The following PPP1R3F variants were observed in gnomAD, a reference collection of about 807,000 sequenced individuals.
PPP1R3F encodes protein phosphatase 1 regulatory subunit 3F.
In PPP1R3F, 29 loss-of-function variants were observed where a neutral mutation model predicts 24.2. The ratio of observed to expected loss-of-function variants is 1.20; its 90% CI spans 0.89 to 1.63. The LOEUF (loss-of-function observed/expected upper bound fraction) is 1.63, where lower values mean the gene tolerates loss of function less well. Among genes scored for constraint, PPP1R3F ranks in the 40% most tolerant of loss-of-function variants. The probability of loss-of-function intolerance (pLI) is 0.00; values close to 1 mark genes in which losing one functional copy is unlikely to be tolerated. For missense variants in PPP1R3F, 823 were observed against 729.3 expected, an observed-to-expected ratio of 1.13 and a Z score of -1.48; for synonymous variants, 363 against 340.1, an observed-to-expected ratio of 1.07 and a Z score of -0.74.
In PPP1R3F at chrX:49,286,667, A is replaced by G; in HGVS notation, c.1977A>G (p.Ile659Met). 1.7e-6 allele frequency: 2 copies of G among 1,210,158 alleles called. No individual in the cohort carries two copies. Among genetic ancestry groups the G allele is most frequent in the Non-Finnish European group, 2.2e-6 (2 of 894,612 alleles). ...DTSSLHMNRV[I>M]AGVTESLGEA... Reference sequence around the variant, plus strand: ...GCTCTTTGCACATGAATAGGGTGATAGCTGGGGTGACTGAGTCCCTGGGGG... The same window carrying G: ...GCTCTTTGCACATGAATAGGGTGATGGCTGGGGTGACTGAGTCCCTGGGGG... The change falls in exon 4 of 4, where the codon ATA becomes ATG. Residue 659 changes from isoleucine (I) to methionine (M), a missense_variant. Physicochemically the swap from Ile to Met is conservative, Grantham distance 10. Coordinates refer to ENST00000055335, the MANE Select transcript of PPP1R3F (RefSeq NM_033215.5).
chrX:49,271,714 C>G (rs1471539572), intron 1 of PPP1R3F, among the ~76,000 whole-genome samples: 2 of 113,220 alleles, frequency 1.8e-5, no homozygotes, highest in Non-Finnish European at 3.7e-5. Flanking sequence ...ACGCTGTAAT[C>G]TACTTTTGAG....
At chrX:49,272,485 C>A (rs1205702831) in intron 1 of PPP1R3F, among the ~76,000 whole-genome samples, 2 of 112,293 alleles carry the variant, frequency 1.8e-5, no homozygotes, top group Non-Finnish European at 3.8e-5. Flanking sequence ...TGCTCAGAAC[C>A]GAGTCTGGCT....
chrX:49,270,551 C>T lies in PPP1R3F; in HGVS notation c.682C>T (p.Gln228Ter). 8.3e-7 allele frequency: 1 copy of T among 1,204,115 alleles called. No individual in the cohort carries two copies. The highest frequency in any genetic ancestry group is 1.1e-6 in the Non-Finnish European group (1 of 894,177). Reference sequence around the variant, plus strand: ...TCCGGGGCTCGGCCTGGGTCCCGGCCAGGCATCCGCCTCCTCGCCCGACGA... The same window carrying T: ...TCCGGGGCTCGGCCTGGGTCCCGGCTAGGCATCCGCCTCCTCGCCCGACGA... ...LDPGLGLGPGQASASSPDDGG... is the reference protein window; with the variant it reads ...LDPGLGLGPG The change falls in exon 1 of 4, where the codon CAG becomes TAG. Residue 228 changes from glutamine to a stop codon, truncating the protein, a stop_gained. Transcript: ENST00000055335. LOFTEE classifies it high-confidence loss of function.
intron 1 of PPP1R3F, among the ~76,000 whole-genome samples, chrX:49,277,255 G>A (rs1446710235): frequency 8.9e-6 from 1 of 112,575 alleles, no homozygotes; most frequent in Non-Finnish European, 1.9e-5. Context: ...TGGTCTCCTC[G>A]GGGCCTATCA....
At chrX:49,282,352 G>A (rs1372873247) in intron 3 of PPP1R3F, among the ~76,000 whole-genome samples, 6 of 111,368 alleles carry the variant, frequency 5.4e-5, no homozygotes, top group Non-Finnish European at 1.1e-4. Context: ...TTAGTAGGGT[G>A]AGACATGATA....
At position 49,270,478 on chromosome X, in the gene PPP1R3F, G is replaced by A. The variant is rs201191607; in HGVS notation, c.609G>A (p.Pro203=). The change falls in exon 1 of 4, where the codon CCG becomes CCA. Residue 203 remains proline (P), a synonymous_variant. Transcript: ENST00000055335. The part of the protein sequence containing the change: ...DHPARYVPRS[P]PWAGAGGTGA... ...CAGCGCGCTACGTCCCGCGCAGCCC[G>A]CCGTGGGCAGGAGCGGGAGGAACAG... is the stretch of plus-strand genomic sequence containing the variant. 8 of 1,204,226 alleles carry A rather than the reference G, an allele frequency of 6.6e-6. No homozygotes were observed. The highest frequency in any genetic ancestry group is 4.7e-4 in the Middle Eastern group (2 of 4,265).
intron 1 of PPP1R3F, 45 bp downstream of exon 1, chrX:49,270,918 G>T: frequency 8.9e-7 from 1 of 1,119,385 alleles, no homozygotes; most frequent in Admixed American, 2.8e-5. Flanking sequence ...GGCTGTGTCT[G>T]GGATGGAGGA....
intron 1 of PPP1R3F, among the ~76,000 whole-genome samples, chrX:49,280,374 A>G (rs781918982): frequency 1.8e-5 from 2 of 110,261 alleles, no homozygotes; most frequent in Non-Finnish European, 3.8e-5. Context: ...TCAGCCTCCC[A>G]GGTAGTTGGG....
intron 1 of PPP1R3F, among the ~76,000 whole-genome samples, chrX:49,271,758 C>T (rs188287608): frequency 8.8e-6 from 1 of 113,208 alleles, no homozygotes; most frequent in East Asian, 2.8e-4. Flanking sequence ...CCCATGCTCT[C>T]ACAAGAAAGC....
At position 49,270,628 on chromosome X, in the gene PPP1R3F, G is replaced by A. The variant is rs1430112558; in HGVS notation, c.759G>A (p.Ala253=). The A allele has an allele frequency of 5.8e-6, 7 of 1,206,666 alleles. No homozygotes were observed. The East Asian group carries it at 8.9e-5, about 15-fold the overall frequency. Residue 253 remains alanine (A), a synonymous_variant, in exon 1 of 4, where the codon GCG becomes GCA. Transcript: ENST00000055335. Reference sequence around the variant, plus strand: ...TCCAGCTGCCCTTTGCTGAGGGCGCGGGCGATGGGGCGCGCCTCGACTTCG... The same window carrying A: ...TCCAGCTGCCCTTTGCTGAGGGCGCAGGCGATGGGGCGCGCCTCGACTTCG... ...FAFQLPFAEG[A]GDGARLDFVV...
intron 3 of PPP1R3F, among the ~76,000 whole-genome samples, chrX:49,282,555 T>A (rs2066256050): frequency 9.6e-6 from 1 of 104,107 alleles, no homozygotes; most frequent in South Asian, 4.5e-4. Context: ...TAGTGATTAG[T>A]GAGATCTGAG....
At position 49,269,840 on chromosome X, in the gene PPP1R3F, G is replaced by A. The variant is rs2066158836; in HGVS notation, c.-30G>A. 1 of 871,485 alleles carries A rather than the reference G, an allele frequency of 1.1e-6. No individual in the cohort carries two copies. The highest frequency in any genetic ancestry group is 1.4e-6 in the Non-Finnish European group (1 of 710,392). 71.8% of individuals were successfully genotyped at this position (871,485 alleles called of 1,213,427 possible). ...CCCTGCCCCCGCCGGTCCCGCCGCC[G>A]GTGCCGTCGGTGCCGCCGCCGCCGC... On this transcript the variant is annotated 5_prime_UTR_variant, in exon 1 of 4. Transcript: ENST00000055335.
chrX:49,290,892 C>G (rs1429007486), downstream of PPP1R3F, among the ~76,000 whole-genome samples: 1 of 112,095 alleles, frequency 8.9e-6, no homozygotes. Context: ...CGTTGTCATT[C>G]CCCCTGGCTG....
At chrX:49,294,222 A>G (rs1273703429) in intron 3 of PPP1R3F, among the ~76,000 whole-genome samples, 1 of 105,307 alleles carries the variant, frequency 9.5e-6, no homozygotes, top group African/African-American at 3.5e-5. Flanking sequence ...CCTTAGAGTC[A>G]CTCCCTCTCC....
At chrX:49,297,966 A>G (rs1281747239) in intron 3 of PPP1R3F, among the ~76,000 whole-genome samples, 8 of 107,039 alleles carry the variant, frequency 7.5e-5, no homozygotes, top group African/African-American at 1.0e-4. Flanking sequence ...TCTTGACTCT[A>G]TCCAATTTGC....
Position 49,286,146 on chromosome X carries a change from C to T in PPP1R3F, c.1456C>T (p.Gln486Ter), listed in dbSNP as rs2066281205. ...GCTGCTCGGTGAGGACACCATCGACCAGGAGCTGGAGCAGCTCTACCTGTC... is the reference window on the plus strand; with the variant it reads ...GCTGCTCGGTGAGGACACCATCGACTAGGAGCTGGAGCAGCTCTACCTGTC... The part of the protein sequence containing the change: ...EELLGEDTID[Q>*]ELEQLYLSHL... The change falls in exon 4 of 4, where the codon CAG (glutamine) becomes TAG (stop). Residue 486 changes from glutamine (Q) to a stop codon, truncating the protein, a stop_gained. Transcript: ENST00000055335. LOFTEE classifies it high-confidence loss of function. 8.5e-7 allele frequency: 1 copy of T among 1,182,017 alleles called. No homozygotes were observed. The highest frequency in any genetic ancestry group is 2.3e-5 in the Admixed American group (1 of 43,472).
chrX:49,290,208 C>G (rs1557122209), downstream of PPP1R3F, among the ~76,000 whole-genome samples: 1 of 111,871 alleles, frequency 8.9e-6, no homozygotes, highest in Admixed American at 9.5e-5. Flanking sequence ...TGCAGAGACT[C>G]CAGCCTCCTG....
intron 1 of PPP1R3F, among the ~76,000 whole-genome samples, chrX:49,271,868 A>T (rs1465662835): frequency 2.7e-5 from 3 of 112,153 alleles, no homozygotes; most frequent in Non-Finnish European, 5.6e-5. Flanking sequence ...AGGGACAGGG[A>T]GAAATAATCA....
rs996429049 is a variant in PPP1R3F, at chrX:49,287,484, T to A, written c.*394T>A. 2.1e-5 allele frequency: 3 copies of A among 143,515 alleles called. No homozygotes were observed. The allele number at this position is 143,515 out of a possible 1,213,427, so 11.8% of individuals were successfully genotyped here. ...TTTAATTTATATAGAGTACCTATTA[T>A]TATATGCCACAATAGAGCTCTATGA... On this transcript the variant is annotated 3_prime_UTR_variant, in exon 4 of 4. Transcript: ENST00000055335.
Sources: allele counts gnomAD v4.1 joint callset (sites outside exome capture counted in the v4.1 genomes callset), GRCh38; gene constraint gnomAD v4.1.1; transcripts MANE v1.5; gene names NCBI Gene and HGNC (gene_info 2026-07-23, HGNC 2026-07-21).